FRMPD4: variants seen among roughly 807,000 people sequenced by gnomAD.
FRMPD4 encodes FERM and PDZ domain containing 4.
In FRMPD4, 22 loss-of-function variants were observed where a neutral mutation model predicts 94.1. The ratio of observed to expected loss-of-function variants is 0.23; its 90% CI spans 0.17 to 0.33. The LOEUF (loss-of-function observed/expected upper bound fraction) is 0.33, where lower values mean the gene tolerates loss of function less well. FRMPD4 is among the 10% of genes least tolerant of loss of function. FRMPD4 has a pLI of 1.00. For missense variants in FRMPD4, 1,111 were observed against 1,339.9 expected, an observed-to-expected ratio of 0.83 and a Z score of 2.67; for synonymous variants, 631 against 548.6, an observed-to-expected ratio of 1.15 and a Z score of -2.10.
intron 3 of FRMPD4, among the ~76,000 whole-genome samples, chrX:12,054,461 A>T (rs2048126155): frequency 9.0e-6 from 1 of 111,430 alleles, no homozygotes; most frequent in African/African-American, 3.3e-5. Context: ...AACTTTGCTT[A>T]GTTTCCTAAA....
chrX:12,327,031 C>T (rs2055300363), intron 1 of FRMPD4, among the ~76,000 whole-genome samples: 1 of 111,687 alleles, frequency 9.0e-6, no homozygotes, highest in Non-Finnish European at 1.9e-5. Context: ...GTCACAACTT[C>T]TCCAGGACCT....
chrX:12,040,326 A>G (rs2054746179), intron 3 of FRMPD4, among the ~76,000 whole-genome samples: 1 of 104,951 alleles, frequency 9.5e-6, no homozygotes, highest in Admixed American at 1.0e-4. Context: ...TTTGTCTTAA[A>G]ATCTGTCTTT....
intron 1 of FRMPD4, among the ~76,000 whole-genome samples, chrX:11,828,215 G>T (rs2053455411): frequency 8.9e-6 from 1 of 111,759 alleles, no homozygotes; most frequent in Non-Finnish European, 1.9e-5. Context: ...TTGTTACATT[G>T]TCCCTTCAAA....
chrX:12,153,034 C>T (rs2055881255), intron 1 of FRMPD4, among the ~76,000 whole-genome samples: 2 of 107,258 alleles, frequency 1.9e-5, no homozygotes, highest in Non-Finnish European at 1.9e-5. Flanking sequence ...CCCGGGTTCA[C>T]GCCATTCTCC....
intron 1 of FRMPD4, among the ~76,000 whole-genome samples, chrX:12,171,496 C>T (rs1238621021): frequency 3.6e-5 from 4 of 111,520 alleles, no homozygotes; most frequent in East Asian, 2.8e-4. Context: ...AGAAATCAGT[C>T]GGTTGCACTT....
chrX:12,124,980 A>G (rs527823686), intron 3 of FRMPD4, among the ~76,000 whole-genome samples: 1 of 112,353 alleles, frequency 8.9e-6, no homozygotes, highest in South Asian at 3.7e-4. Flanking sequence ...CAACATGCAG[A>G]TCAGCTGGGA....
chrX:12,679,828 G>C (rs1354355398), intron 5 of FRMPD4, among the ~76,000 whole-genome samples: 1 of 111,336 alleles, frequency 9.0e-6, no homozygotes, highest in Non-Finnish European at 1.9e-5. Flanking sequence ...CTTAGTAACA[G>C]CGAATGCTTT....
At chrX:12,183,398 C>G (rs1230945011) in intron 1 of FRMPD4, among the ~76,000 whole-genome samples, 1 of 112,274 alleles carries the variant, frequency 8.9e-6, no homozygotes, top group South Asian at 3.7e-4. Flanking sequence ...CACAAATCCA[C>G]AAAGCATACA....
At chrX:12,060,521 G>C (rs776557604) in intron 3 of FRMPD4, among the ~76,000 whole-genome samples, 5 of 109,337 alleles carry the variant, frequency 4.6e-5, no homozygotes, top group Non-Finnish European at 9.5e-5. Context: ...TATTTTCCTA[G>C]CTATTTATAT....
intron 1 of FRMPD4, among the ~76,000 whole-genome samples, chrX:12,176,852 T>C (rs1472693475): frequency 1.8e-5 from 2 of 112,117 alleles, no homozygotes; most frequent in African/African-American, 6.5e-5. Flanking sequence ...TTCTTTTGCC[T>C]GGCCTGCCAT....
intron 3 of FRMPD4, among the ~76,000 whole-genome samples, chrX:11,891,618 A>T (rs368921236): frequency 8.9e-6 from 1 of 112,034 alleles, no homozygotes; most frequent in East Asian, 2.8e-4. Flanking sequence ...TAGCTCAGGT[A>T]ATTACCCTCT....
intron 1 of FRMPD4, among the ~76,000 whole-genome samples, chrX:12,334,795 A>G (rs1265354405): frequency 1.8e-5 from 2 of 111,554 alleles, no homozygotes; most frequent in Non-Finnish European, 3.8e-5. Flanking sequence ...AGGAGCTCAC[A>G]GGCTGCAAGG....
chrX:12,599,256 C>T (rs1199822452), intron 2 of FRMPD4, among the ~76,000 whole-genome samples: 1 of 110,679 alleles, frequency 9.0e-6, no homozygotes, highest in African/African-American at 3.3e-5. Context: ...TTGATAAAGA[C>T]TTTGCTCATT....
chrX:12,236,959 G>A (rs2057077453), intron 1 of FRMPD4, among the ~76,000 whole-genome samples: 1 of 111,732 alleles, frequency 8.9e-6, no homozygotes, highest in African/African-American at 3.3e-5. Flanking sequence ...AAGGGTAAAG[G>A]ATAAGGATGC....
intron 1 of FRMPD4, chrX:12,396,267 C>G (rs2148046334): frequency 9.0e-6 from 1 of 111,663 alleles, no homozygotes; most frequent in African/African-American, 3.3e-5. Flanking sequence ...GTTTTCAGTT[C>G]TACTTCACTA....
chrX:12,609,006 A>C (rs746472357), intron 2 of FRMPD4, among the ~76,000 whole-genome samples: 2 of 112,740 alleles, frequency 1.8e-5, no homozygotes, highest in Admixed American at 1.9e-4. Flanking sequence ...TACCAATAAC[A>C]TAACAGTTGA....
At chrX:12,061,125 G>T (rs1429439450) in intron 3 of FRMPD4, among the ~76,000 whole-genome samples, 2 of 112,035 alleles carry the variant, frequency 1.8e-5, no homozygotes, top group Non-Finnish European at 3.8e-5. Context: ...AAATGTCAAA[G>T]AAGTGGCTTA....
chrX:12,331,224 GT>G (rs780886973), intron 1 of FRMPD4, among the ~76,000 whole-genome samples: 7,728 of 87,147 alleles, frequency 0.089, 772 homozygotes, highest in African/African-American at 0.28. Context: ...TCGGGATTTC[GT>G]TTTTTTTTTT....
chrX:12,377,236 C>G (rs767706324), intron 1 of FRMPD4, among the ~76,000 whole-genome samples: 1 of 112,157 alleles, frequency 8.9e-6, no homozygotes, highest in Non-Finnish European at 1.9e-5. Flanking sequence ...GACAAAAAAT[C>G]AAAACAGTGT....
Sources: gnomAD v4.1 joint callset for allele counts (sites outside exome capture counted in the v4.1 genomes callset) on GRCh38, gnomAD v4.1.1 for gene constraint, MANE v1.5 for transcripts, NCBI Gene and HGNC (gene_info 2026-07-23, HGNC 2026-07-21) for gene names.